Variants in SENP8 observed in about 807,000 individuals in gnomAD.
SENP8 encodes sentrin-specific protease 8.
SENP8 carries 10 observed loss-of-function variants against 14.4 expected under a neutral mutation model. That is an observed-to-expected ratio of 0.69 (90% CI 0.43 to 1.18). The LOEUF is 1.18. SENP8 is among the 50% of genes most tolerant of loss of function. The probability of loss-of-function intolerance (pLI) is 0.00; values close to 1 mark genes in which losing one functional copy is unlikely to be tolerated. For missense variants in SENP8, 202 were observed against 249.4 expected, an observed-to-expected ratio of 0.81 and a Z score of 1.28; for synonymous variants, 94 against 95.5, an observed-to-expected ratio of 0.98 and a Z score of 0.09.
intron 1 of SENP8, among the ~76,000 whole-genome samples, chr15:72,124,978 A>T (rs961072338): frequency 6.6e-6 from 1 of 152,128 alleles, no homozygotes; most frequent in Non-Finnish European, 1.5e-5. Context: ...TATTGACAAT[A>T]TTATATTTAA....
rs1484145603 is a variant in SENP8, at chr15:72,139,569, T to A, written c.-47-8T>A. On this transcript the variant is annotated splice_region_variant and splice_polypyrimidine_tract_variant and intron_variant, in intron 1 of 1. Transcript: ENST00000340912. ...CAGGTATTTATTGACAATAATATTG[T>A]CTTCTAGCTCTTGTTCAGCTTCTGG... The A allele has an allele frequency of 6.4e-7, 1 of 1,555,250 alleles. No homozygotes were observed. The highest frequency in any genetic ancestry group is 8.7e-7 in the Non-Finnish European group (1 of 1,151,890).
At chr15:72,124,290 G>T (rs530017262) in intron 1 of SENP8, among the ~76,000 whole-genome samples, 4 of 152,152 alleles carry the variant, frequency 2.6e-5, no homozygotes, top group Non-Finnish European at 5.9e-5. Context: ...AAGTTAGAAG[G>T]ATGAGTAAAA....
intron 1 of SENP8, among the ~76,000 whole-genome samples, chr15:72,130,516 A>G (rs950458598): frequency 3.3e-5 from 5 of 151,472 alleles, no homozygotes; most frequent in South Asian, 2.1e-4. Flanking sequence ...TGCAAACTGT[A>G]ATTTGCTGAC....
At chr15:72,136,955 T>G (rs1365000125) in intron 1 of SENP8, among the ~76,000 whole-genome samples, 1 of 152,174 alleles carries the variant, frequency 6.6e-6, no homozygotes, top group Admixed American at 6.5e-5. Flanking sequence ...TCACTTTGGG[T>G]GGTCACAGGC....
At chr15:72,123,817 G>A (rs1676560644) in intron 1 of SENP8, among the ~76,000 whole-genome samples, 1 of 152,220 alleles carries the variant, frequency 6.6e-6, no homozygotes, top group Admixed American at 6.5e-5. Context: ...TGGGATTACA[G>A]GCATGAGCCA....
At chr15:72,124,677 A>G (rs551260540) in intron 1 of SENP8, among the ~76,000 whole-genome samples, 1 of 152,328 alleles carries the variant, frequency 6.6e-6, no homozygotes, top group South Asian at 2.1e-4. Flanking sequence ...AGTTGAAAAA[A>G]TGGAAATATT....
At chr15:72,114,805 T>C (rs1462906446), upstream of SENP8, among the ~76,000 whole-genome samples, 2 of 152,196 alleles carry the variant, frequency 1.3e-5, no homozygotes, top group Non-Finnish European at 2.9e-5. Flanking sequence ...TTTTAAAATG[T>C]CTGAAAAGTC....
intron 1 of SENP8, among the ~76,000 whole-genome samples, chr15:72,133,725 ATG>A (rs1398644300): frequency 6.6e-6 from 1 of 152,236 alleles, no homozygotes; most frequent in Non-Finnish European, 1.5e-5. Flanking sequence ...GACTAAAATA[ATG>A]GTATATGCAG....
rs751895109 is a variant in SENP8 at position 72,140,236 on chromosome 15, C to G, written c.613C>G (p.Leu205Val). The G allele has an allele frequency of 6.2e-6, 10 of 1,613,050 alleles. No homozygotes were observed. The South Asian group carries it at 9.9e-5, about 16-fold the overall frequency. Residue 205 changes from leucine (L) to valine (V), a missense_variant, in exon 2 of 2, where the codon CTC becomes GTC. Transcript: ENST00000340912. ...ITKKRGEWKD[L>V]ITTLAKK is the part of the protein sequence containing the mutation. ...AAAGAAGAGGGGAGAATGGAAAGATCTCATTACCACACTTGCTAAAAAGTA... is the reference window on the plus strand; with the variant it reads ...AAAGAAGAGGGGAGAATGGAAAGATGTCATTACCACACTTGCTAAAAAGTA...
At position 72,140,188 on chromosome 15, in the gene SENP8, C is replaced by T; in HGVS notation, c.565C>T (p.Leu189=). The T allele has an allele frequency of 6.2e-7, 1 of 1,614,112 alleles. No individual in the cohort carries two copies. The highest frequency in any genetic ancestry group is 1.1e-5 in the South Asian group (1 of 91,082). ...GCAACAGACAGAATCACTGCTGCAG[C>T]TACTCACCCCTGCATACATCACAAA... The part of the protein sequence containing the change: ...FRQQTESLLQ[L]LTPAYITKKR... Residue 189 remains leucine (L), a synonymous_variant, in exon 2 of 2, where the codon CTA becomes TTA. Coordinates refer to ENST00000340912, the MANE Select transcript of SENP8 (RefSeq NM_145204.4).
chr15:72,122,392 G>A (rs572961062), intron 1 of SENP8, among the ~76,000 whole-genome samples: 3 of 151,958 alleles, frequency 2.0e-5, no homozygotes, highest in African/African-American at 7.2e-5. Context: ...GCAAAAGAAT[G>A]TGAAGTCCTC....
chr15:72,134,135 A>G (rs2081303973), intron 1 of SENP8, among the ~76,000 whole-genome samples: 2 of 152,270 alleles, frequency 1.3e-5, no homozygotes, highest in Non-Finnish European at 2.9e-5. Context: ...TAGTAGAGAC[A>G]GAGTTTCACC....
At position 72,141,800 on chromosome 15, in the gene SENP8, T is replaced by C. The variant is rs1223034687; in HGVS notation, c.*1538T>C. The C allele has an allele frequency of 1.3e-5, 2 of 151,802 alleles. No homozygotes were observed. Among genetic ancestry groups the C allele is most frequent in the Non-Finnish European group, 2.9e-5 (2 of 68,022 alleles). 9.4% of individuals were successfully genotyped at this position (151,802 alleles called of 1,614,324 possible). A position where few individuals can be genotyped will look rare whatever the true frequency, so the allele number is the denominator to read the frequency against. Reference sequence around the variant, plus strand: ...TGGAAGATGGGGCTAGGAAAAAGATTAGGAACTGGCAGTCATCCATAGAGG... The same window carrying C: ...TGGAAGATGGGGCTAGGAAAAAGATCAGGAACTGGCAGTCATCCATAGAGG... On this transcript the variant is annotated 3_prime_UTR_variant, in exon 2 of 2. Coordinates refer to ENST00000340912, the MANE Select transcript of SENP8 (RefSeq NM_145204.4).
rs138588029 is a variant in SENP8 at position 72,135,930 on chromosome 15, CTA to C, written c.-47-3643_-47-3642del. Among the ~76,000 whole-genome samples, 478 of 152,178 alleles carry C rather than the reference CTA, an allele frequency of 3.1e-3. 3 individuals carry two copies. Among genetic ancestry groups the C allele is most frequent in the Middle Eastern group, 0.017 (5 of 294 alleles). On this transcript the variant is annotated intron_variant, in intron 1 of 1. Coordinates refer to ENST00000340912, the MANE Select transcript of SENP8 (RefSeq NM_145204.4). ...AGTAGGTCTCCGGGTTTTTGCCAAG[CTA>C]TATGACCTGGCACTCACAAGTATGC...
chr15:72,119,207 T>C (rs2151311544), intron 1 of SENP8, among the ~76,000 whole-genome samples: 1 of 151,098 alleles, frequency 6.6e-6, no homozygotes, highest in Middle Eastern at 3.4e-3. Context: ...TCTTCGAGGG[T>C]GAGGGAGGCT....
upstream of SENP8, among the ~76,000 whole-genome samples, chr15:72,115,548 C>T (rs1300638250): frequency 6.6e-6 from 1 of 152,192 alleles, no homozygotes; most frequent in Non-Finnish European, 1.5e-5. Flanking sequence ...TCCGAATATC[C>T]AAGTTCAGAT....
intron 1 of SENP8, among the ~76,000 whole-genome samples, chr15:72,128,096 AAGAG>A (rs563898522): frequency 2.6e-3 from 392 of 151,774 alleles, no homozygotes; most frequent in Admixed American, 4.0e-3. Context: ...TTTTCAAAGA[AAGAG>A]AGAGGGAAAG....
chr15:72,131,095 C>A (rs1244912739), intron 1 of SENP8, among the ~76,000 whole-genome samples: 1 of 152,172 alleles, frequency 6.6e-6, no homozygotes, highest in African/African-American at 2.4e-5. Context: ...CCCAGCTACT[C>A]AAGAGGCTGA....
intron 1 of SENP8, among the ~76,000 whole-genome samples, chr15:72,136,242 G>C: frequency 6.6e-6 from 1 of 152,148 alleles, no homozygotes. Context: ...AAAACTATCG[G>C]ACTATAATAC....
Sources: gnomAD v4.1 joint callset for allele counts (sites outside exome capture counted in the v4.1 genomes callset) on GRCh38, gnomAD v4.1.1 for gene constraint, MANE v1.5 for transcripts, NCBI Gene and HGNC (gene_info 2026-07-23, HGNC 2026-07-21) for gene names.